PRKN: variants seen among roughly 807,000 people sequenced by gnomAD.
The protein encoded by PRKN is E3 ubiquitin-protein ligase parkin.
A neutral mutation model predicts 59.5 loss-of-function variants in PRKN; 56 were observed. That is an observed-to-expected ratio of 0.94 (90% CI 0.76 to 1.18). The LOEUF (loss-of-function observed/expected upper bound fraction) is 1.18, where lower values mean the gene tolerates loss of function less well. Ranked by LOEUF, PRKN falls within the 50% of genes most tolerant of loss-of-function variation. PRKN has a pLI of 0.00. For missense variants in PRKN, 657 were observed against 596.4 expected (o/e 1.10, Z -1.06); for synonymous variants, 250 against 222.1 (o/e 1.13, Z -1.12).
intron 9 of PRKN, among the ~76,000 whole-genome samples, chr6:161,510,152 AGAG>A (rs375865232): frequency 1.3e-5 from 2 of 152,192 alleles, no homozygotes; most frequent in South Asian, 2.1e-4. Context: ...TTGTGTTTTA[AGAG>A]GAGATTTTAA....
At chr6:162,309,774 T>A (rs1389729449) in intron 2 of PRKN, among the ~76,000 whole-genome samples, 1 of 152,160 alleles carries the variant, frequency 6.6e-6, no homozygotes, top group East Asian at 1.9e-4. Context: ...TAAACTTGTG[T>A]CATGGAGTTT....
chr6:162,541,230 A>G (rs2846468), intron 1 of PRKN, among the ~76,000 whole-genome samples: 53,414 of 152,156 alleles, frequency 0.35, 11,212 homozygotes, highest in Middle Eastern at 0.51. Flanking sequence ...AGTAAGCCAC[A>G]CAATCTGTTA....
At chr6:162,258,638 C>G (rs1009822291) in intron 3 of PRKN, among the ~76,000 whole-genome samples, 1 of 152,202 alleles carries the variant, frequency 6.6e-6, no homozygotes, top group African/African-American at 2.4e-5. Context: ...GTTAGCATCA[C>G]CTGGGAGCTT....
intron 5 of PRKN, among the ~76,000 whole-genome samples, chr6:161,998,251 C>T (rs975883635): frequency 2.6e-5 from 4 of 151,946 alleles, no homozygotes; most frequent in African/African-American, 9.7e-5. Context: ...CATTTATCAG[C>T]CTTAACTCCT....
rs2114949261 is a variant in PRKN, at chr6:161,388,780, A to G, written c.1084-1903T>C. On this transcript the variant is annotated intron_variant, in intron 9 of 11. Transcript: ENST00000366898. The surrounding 1 kb of genome is among the most constrained non-coding windows in gnomAD (Gnocchi z 4.3). ...GCTCAACAGCCCATGGGAGCCCCAC[A>G]TGGAGAAGAGCTGCGGCCTCAGCCG... 6.6e-6 allele frequency among the ~76,000 whole-genome samples: 1 copy of G among 152,324 alleles called. No individual in the cohort carries two copies. Among genetic ancestry groups the G allele is most frequent in the South Asian group, 2.1e-4 (1 of 4,830 alleles).
chr6:162,560,361 A>C (rs1012256675), intron 1 of PRKN, among the ~76,000 whole-genome samples: 1 of 152,194 alleles, frequency 6.6e-6, no homozygotes, highest in Non-Finnish European at 1.5e-5. Flanking sequence ...TCAATTACCT[A>C]TAAGTTTATA....
intron 1 of PRKN, among the ~76,000 whole-genome samples, chr6:162,560,959 A>G (rs1391637383): frequency 6.6e-6 from 1 of 151,504 alleles, no homozygotes; most frequent in East Asian, 1.9e-4. Flanking sequence ...CAGGTAACAG[A>G]AAAGACTTTA....
intron 9 of PRKN, among the ~76,000 whole-genome samples, chr6:161,403,263 C>T (rs530594931): frequency 6.6e-6 from 1 of 152,078 alleles, no homozygotes; most frequent in African/African-American, 2.4e-5. Context: ...ATATTGGGAC[C>T]TAATATTCTA....
At chr6:162,082,840 C>A (rs920563496) in intron 4 of PRKN, among the ~76,000 whole-genome samples, 1 of 152,162 alleles carries the variant, frequency 6.6e-6, no homozygotes, top group African/African-American at 2.4e-5. Context: ...AGTCAGAACA[C>A]ACACAATATT....
chr6:162,199,648 C>G (rs1334883926), intron 4 of PRKN, among the ~76,000 whole-genome samples: 1 of 152,138 alleles, frequency 6.6e-6, no homozygotes, highest in East Asian at 1.9e-4. Flanking sequence ...TGCTGCCCGG[C>G]AGGAGAGCTG....
intron 6 of PRKN, among the ~76,000 whole-genome samples, chr6:161,887,706 T>A (rs1795205194): frequency 6.6e-6 from 1 of 152,218 alleles, no homozygotes. Context: ...AAAATTTGCA[T>A]AAAAGTGCTA....
chr6:161,987,186 AAAG>A (rs1781466577), intron 5 of PRKN, among the ~76,000 whole-genome samples: 1 of 152,366 alleles, frequency 6.6e-6, no homozygotes, highest in South Asian at 2.1e-4. Flanking sequence ...CTCATTAGGA[AAAG>A]AAGAAAATAA....
At chr6:161,469,031 CAA>C (rs1193995802) in intron 9 of PRKN, among the ~76,000 whole-genome samples, 1 of 152,152 alleles carries the variant, frequency 6.6e-6, no homozygotes, top group Non-Finnish European at 1.5e-5. Flanking sequence ...AAAATGCTGC[CAA>C]AGAGTCAATA....
chr6:161,528,278 G>A (rs1256253969), intron 9 of PRKN, among the ~76,000 whole-genome samples: 2 of 152,140 alleles, frequency 1.3e-5, no homozygotes, highest in Non-Finnish European at 2.9e-5. Context: ...CTCCTGATAT[G>A]TTAAAGAAAC....
intron 9 of PRKN, among the ~76,000 whole-genome samples, chr6:161,521,247 C>T (rs114090503): frequency 5.8e-4 from 88 of 152,220 alleles, no homozygotes; most frequent in African/African-American, 1.9e-3. Flanking sequence ...ATATGAGCAA[C>T]GTATTACCCA....
At chr6:161,716,168 T>C in intron 7 of PRKN, 2 of 1,127,620 alleles carry the variant, frequency 1.8e-6, no homozygotes, top group Non-Finnish European at 2.4e-6. Flanking sequence ...TGGGTTAATT[T>C]GATGCTCACA....
chr6:161,771,352 C>A (rs1789669472), intron 7 of PRKN, among the ~76,000 whole-genome samples: 2 of 85,816 alleles, frequency 2.3e-5, no homozygotes, highest in South Asian at 5.8e-4. Flanking sequence ...CAAGACTCCA[C>A]CTCAAAAAAA....
intron 7 of PRKN, among the ~76,000 whole-genome samples, chr6:161,589,754 C>T (rs891844601): frequency 2.0e-5 from 3 of 149,316 alleles, no homozygotes; most frequent in Non-Finnish European, 4.5e-5. Flanking sequence ...CTTTAAAATA[C>T]AATGAATTGA....
chr6:162,659,277 T>C (rs1050999018), intron 1 of PRKN, among the ~76,000 whole-genome samples: 2 of 151,910 alleles, frequency 1.3e-5, no homozygotes, highest in Non-Finnish European at 2.9e-5. Context: ...AGCTTTGGAT[T>C]TTTAAGGTTT....
Sources: allele counts gnomAD v4.1 joint callset (sites outside exome capture counted in the v4.1 genomes callset), GRCh38; gene constraint gnomAD v4.1.1; non-coding constraint Gnocchi (gnomAD v3.1); transcripts MANE v1.5; gene names NCBI Gene and HGNC (gene_info 2026-07-23, HGNC 2026-07-21).